UGGT2: variants seen among roughly 807,000 people sequenced by gnomAD.
UGGT2 encodes the protein UDP-glucose:glycoprotein glucosyltransferase 2.
UGGT2 carries 180 observed loss-of-function variants against 192.1 expected under a neutral mutation model. That is an observed-to-expected ratio of 0.94 (90% confidence interval 0.83 to 1.06). The LOEUF (loss-of-function observed/expected upper bound fraction) is 1.06. Ranked by LOEUF, UGGT2 falls within the 50% of genes least tolerant of loss-of-function variation. UGGT2 has a pLI of 0.00. For missense variants in UGGT2, 1,849 were observed against 1,795.7 expected, an observed-to-expected ratio of 1.03 and a Z score of -0.54; for synonymous variants, 580 against 591.0, an observed-to-expected ratio of 0.98 and a Z score of 0.27.
At chr13:96,025,018 A>G (rs576769204) in intron 2 of UGGT2, among the ~76,000 whole-genome samples, 1 of 152,278 alleles carries the variant, frequency 6.6e-6, no homozygotes, top group Admixed American at 6.5e-5. Flanking sequence ...CTGGCCCTCC[A>G]AGTTGTCCTG....
intron 38 of UGGT2, among the ~76,000 whole-genome samples, chr13:95,823,275 C>T (rs1046857303): frequency 2.0e-5 from 3 of 152,174 alleles, no homozygotes; most frequent in Non-Finnish European, 2.9e-5. Context: ...GTTCTGTAAA[C>T]TTCTGCTAAG....
chr13:95,902,806 T>C, intron 21 of UGGT2, 48 bp downstream of exon 21: 2 of 1,533,110 alleles, frequency 1.3e-6, no homozygotes, highest in Middle Eastern at 1.9e-4. Context: ...ACTCACACTT[T>C]TAAAATATGC....
rs2048198413 is a variant in UGGT2 at position 95,904,149 on chromosome 13, T to C, written c.2296-1089A>G. ...TCCCATTCTATGGCTTGTTTTGTAG[T>C]GTACTGATGATGTGTTATAATGGGA... On this transcript the variant is annotated intron_variant, in intron 20 of 38. Transcript: ENST00000376747. 2.0e-5 allele frequency among the ~76,000 whole-genome samples: 3 copies of C among 152,120 alleles called. No individual in the cohort carries two copies. The South Asian group carries it at 6.2e-4, about 32-fold the overall frequency.
At chr13:95,997,413 T>A (rs1190084351) in intron 6 of UGGT2, among the ~76,000 whole-genome samples, 1 of 152,078 alleles carries the variant, frequency 6.6e-6, no homozygotes, top group Non-Finnish European at 1.5e-5. Flanking sequence ...TTTGGGAGGC[T>A]GAGGTGGGTG....
At chr13:95,824,118 C>G (rs1594078658) in intron 38 of UGGT2, among the ~76,000 whole-genome samples, 2 of 152,220 alleles carry the variant, frequency 1.3e-5, no homozygotes, top group East Asian at 3.9e-4. Context: ...AGATAGGACC[C>G]CATTTCCCTT....
intron 5 of UGGT2, 28 bp downstream of exon 5, chr13:96,013,279 A>G (rs779475882): frequency 1.3e-6 from 2 of 1,530,868 alleles, no homozygotes; most frequent in Non-Finnish European, 1.7e-6. Flanking sequence ...TACAGCCAAA[A>G]GCAACCTTGG....
intron 29 of UGGT2, among the ~76,000 whole-genome samples, chr13:95,873,538 G>A (rs141760902): frequency 6.6e-6 from 1 of 152,150 alleles, no homozygotes; most frequent in South Asian, 2.1e-4. Flanking sequence ...CCTTCAAACA[G>A]ACCAAAAGTG....
chr13:95,840,969 A>G (rs1399620201), intron 36 of UGGT2, among the ~76,000 whole-genome samples: 2 of 152,144 alleles, frequency 1.3e-5, no homozygotes. Flanking sequence ...CAAATACCAC[A>G]TGTTCTCACT....
intron 38 of UGGT2, among the ~76,000 whole-genome samples, chr13:95,805,735 T>C (rs1208062397): frequency 7.9e-5 from 12 of 152,068 alleles, no homozygotes. Flanking sequence ...AGTAGTCAAA[T>C]TCACAGAGTA....
At position 95,909,296 on chromosome 13, in the gene UGGT2, C is replaced by T. The variant is rs9742308; in HGVS notation, c.2296-6236G>A. On this transcript the variant is annotated intron_variant, in intron 20 of 38. Transcript: ENST00000376747. The stretch of plus-strand genomic sequence containing the variant: ...TGAATCATGCTGCTATAAAGACACA[C>T]GCACACGTATGTTTATTGCGGCATT... 5.6e-3 allele frequency among the ~76,000 whole-genome samples: 851 copies of T among 151,932 alleles called. 8 individuals carry two copies. The highest frequency in any genetic ancestry group is 0.018 in the African/African-American group (734 of 41,420).
At chr13:95,841,776 A>C (rs892236987) in intron 36 of UGGT2, among the ~76,000 whole-genome samples, 10 of 152,336 alleles carry the variant, frequency 6.6e-5, no homozygotes, top group Non-Finnish European at 5.9e-5. Flanking sequence ...CAAAGTCACA[A>C]AGATTTACAC....
At chr13:96,026,071 A>C (rs1409788394) in intron 2 of UGGT2, among the ~76,000 whole-genome samples, 1 of 152,142 alleles carries the variant, frequency 6.6e-6, no homozygotes, top group Admixed American at 6.5e-5. Context: ...AGAAAACTAT[A>C]ATCCAAGAAA....
chr13:95,938,613 A>C (rs1262092471), intron 16 of UGGT2, among the ~76,000 whole-genome samples: 1 of 152,178 alleles, frequency 6.6e-6, no homozygotes, highest in Non-Finnish European at 1.5e-5. Context: ...ACTATGTCTT[A>C]GGTTTATGAA....
intron 15 of UGGT2, among the ~76,000 whole-genome samples, chr13:95,946,117 A>T (rs1040720112): frequency 6.6e-6 from 1 of 152,216 alleles, no homozygotes; most frequent in African/African-American, 2.4e-5. Flanking sequence ...TAGCTCTTTA[A>T]TACATATATA....
Position 96,023,669 on chromosome 13 carries a change from G to A in UGGT2, c.332C>T (p.Ser111Phe), listed in dbSNP as rs2052581986. ...AATAGCTGGGGAGTATGCCCTTATA[G>A]AGAAAGCAAACTTTAAAAGGTTGAT... ...LHINLLKFAF[S>F]IRAYSPAIQM... The change falls in exon 3 of 39, where the codon TCT becomes TTT. Residue 111 changes from serine (S) to phenylalanine (F), a missense_variant. By Grantham distance (155) the Ser-to-Phe change is radical (BLOSUM62 -2). Coordinates refer to ENST00000376747, the MANE Select transcript of UGGT2 (RefSeq NM_020121.4). 1 of 1,611,954 alleles carries A rather than the reference G, an allele frequency of 6.2e-7. No homozygotes were observed. Among genetic ancestry groups the A allele is most frequent in the African/African-American group, 1.3e-5 (1 of 74,856 alleles).
At chr13:95,818,650 G>A (rs891468731) in intron 38 of UGGT2, among the ~76,000 whole-genome samples, 5 of 152,134 alleles carry the variant, frequency 3.3e-5, no homozygotes, top group African/African-American at 9.7e-5. Context: ...TTACTGAGAG[G>A]AAGTGCCTGT....
intron 10 of UGGT2, among the ~76,000 whole-genome samples, chr13:95,981,611 A>G (rs1169963111): frequency 1.3e-5 from 2 of 151,760 alleles, no homozygotes; most frequent in African/African-American, 4.9e-5. Context: ...CTGCAGCATG[A>G]GAAGAAGAAG....
chr13:95,980,579 T>C (rs970890637), intron 10 of UGGT2, among the ~76,000 whole-genome samples: 3 of 152,120 alleles, frequency 2.0e-5, no homozygotes, highest in Non-Finnish European at 2.9e-5. Context: ...CTAAACACCA[T>C]CTGTTCCCAA....
intron 24 of UGGT2, among the ~76,000 whole-genome samples, chr13:95,893,893 T>TATAAAGC (rs2047874747): frequency 6.6e-6 from 1 of 152,340 alleles, no homozygotes; most frequent in South Asian, 2.1e-4. Context: ...GAGTAAATCC[T>TATAAAGC]TGGACCCTTG....
Sources: allele counts gnomAD v4.1 joint callset (sites outside exome capture counted in the v4.1 genomes callset), GRCh38; gene constraint gnomAD v4.1.1; transcripts MANE v1.5; gene names NCBI Gene and HGNC (gene_info 2026-07-23, HGNC 2026-07-21).